ALLC: variants seen among roughly 807,000 people sequenced by gnomAD.
The protein encoded by ALLC is probable inactive allantoicase.
In ALLC, 40 loss-of-function variants were observed where a neutral mutation model predicts 45.0. The ratio of observed to expected loss-of-function variants is 0.89; its 90% confidence interval spans 0.69 to 1.16. The LOEUF (loss-of-function observed/expected upper bound fraction) is 1.16, where lower values mean the gene tolerates loss of function less well. Ranked by LOEUF, ALLC falls within the 50% of genes most tolerant of loss-of-function variation. The pLI is 0.00. For missense variants in ALLC, 488 were observed against 493.1 expected (o/e 0.99, Z 0.10); for synonymous variants, 176 against 178.1 (o/e 0.99, Z 0.09).
chr2:3,650,149 A>G, the ALLC span, among the ~76,000 whole-genome samples: 1 of 152,168 alleles, frequency 6.6e-6, no homozygotes, highest in African/African-American at 2.4e-5. Flanking sequence ...CAGTGCCCTC[A>G]ATTGGAAGGG....
In ALLC at chr2:3,702,485, C is replaced by G; in HGVS notation, c.1098C>G (p.Phe366Leu). 1.2e-6 allele frequency: 2 copies of G among 1,612,074 alleles called. No individual in the cohort carries two copies. Among genetic ancestry groups the G allele is most frequent in the Non-Finnish European group, 1.7e-6 (2 of 1,179,506 alleles). ...TGAGCCGCCTTCGGCTCCGGGGCTT[C>G]CCCAGCTCCATCTGCCTCCTGAGGC... ...GGVSRLRLRG[F>L]PSSICLLRPR... Residue 366 changes from phenylalanine to leucine, a missense_variant, in exon 12 of 12, where the codon TTC becomes TTG. By Grantham distance (22) the Phe-to-Leu change is conservative. Coordinates refer to ENST00000252505, the MANE Select transcript of ALLC (RefSeq NM_018436.4).
intron 1 of ALLC, among the ~76,000 whole-genome samples, chr2:3,658,846 C>T (rs1666502208): frequency 6.9e-6 from 1 of 143,968 alleles, no homozygotes; most frequent in African/African-American, 2.7e-5. Context: ...CACTGTACTC[C>T]AGCCTGGATG....
In ALLC at chr2:3,695,886, C is replaced by T; in HGVS notation, c.667+14C>T. On this transcript the variant is annotated intron_variant, in intron 8 of 11. Transcript: ENST00000252505. ...ACAATATAATAGGTAAGATGATATT[C>T]TTGGAGCTGGCTTATTTAGGAAGTC... is the stretch of plus-strand genomic sequence containing the variant. The T allele has an allele frequency of 6.3e-7, 1 of 1,591,306 alleles. No homozygotes were observed. Among genetic ancestry groups the T allele is most frequent in the South Asian group, 1.1e-5 (1 of 86,962 alleles).
chr2:3,696,305 G>T lies in ALLC; in HGVS notation c.698G>T (p.Gly233Val). 2 of 1,613,690 alleles carry T rather than the reference G, an allele frequency of 1.2e-6. No individual in the cohort carries two copies. The highest frequency in any genetic ancestry group is 2.7e-5 in the African/African-American group (2 of 75,032). Residue 233 changes from glycine to valine, a missense_variant, in exon 9 of 12, where the codon GGT becomes GTT. Transcript: ENST00000252505. The part of the protein sequence containing the change: ...GVGGAKSMAD[G>V]WETARRLDRP... ...GGCGGGGCAAAGTCTATGGCGGATGGTTGGGAAACTGCAAGAAGGCTGGAC... is the reference window on the plus strand; with the variant it reads ...GGCGGGGCAAAGTCTATGGCGGATGTTTGGGAAACTGCAAGAAGGCTGGAC...
chr2:3,702,649 T>A lies in ALLC; in HGVS notation c.*86T>A. 7.4e-7 allele frequency: 1 copy of A among 1,360,532 alleles called. No homozygotes were observed. Among genetic ancestry groups the A allele is most frequent in the Non-Finnish European group, 9.8e-7 (1 of 1,019,606 alleles). The allele number at this position is 1,360,532 out of a possible 1,614,324, so 84.3% of individuals were successfully genotyped here. ...CAAATGTTTTGAACACCTGGTGATTTAATAAAGTGGTCGTCTCACAAATTG... is the reference window on the plus strand; with the variant it reads ...CAAATGTTTTGAACACCTGGTGATTAAATAAAGTGGTCGTCTCACAAATTG... On this transcript the variant is annotated 3_prime_UTR_variant, in exon 12 of 12. Transcript: ENST00000252505.
intron 4 of ALLC, 44 bp from the exon 5 acceptor site, chr2:3,679,825 G>T (rs767351165): frequency 1.2e-6 from 2 of 1,610,042 alleles, no homozygotes; most frequent in Non-Finnish European, 1.7e-6. Flanking sequence ...AGCATCTGCT[G>T]TGTTGGCCCT....
Position 3,661,743 on chromosome 2 carries a change from C to T in ALLC, c.-63+3449C>T, listed in dbSNP as rs114946096. ...GTTGTTGAGAAGTTTGGATGAAAAG[C>T]TCTAGGTGTGTATTATAGTTTCATG... On this transcript the variant is annotated intron_variant, in intron 1 of 11. Coordinates refer to ENST00000252505, the MANE Select transcript of ALLC (RefSeq NM_018436.4). Among the ~76,000 whole-genome samples the T allele has an allele frequency of 1.2e-3, 184 of 152,312 alleles. 1 individual carries two copies. Among genetic ancestry groups the T allele is most frequent in the African/African-American group, 4.1e-3 (172 of 41,550 alleles).
the ALLC span, among the ~76,000 whole-genome samples, chr2:3,650,094 T>C: frequency 3.3e-5 from 5 of 152,216 alleles, no homozygotes; most frequent in Non-Finnish European, 7.3e-5. Flanking sequence ...TCCCCTCTTA[T>C]GTCTGATTCT....
In ALLC at chr2:3,682,987, A is replaced by G; in HGVS notation, c.424A>G (p.Lys142Glu). 6.2e-7 allele frequency: 1 copy of G among 1,613,984 alleles called. No individual in the cohort carries two copies. The highest frequency in any genetic ancestry group is 1.1e-5 in the South Asian group (1 of 91,082). The change falls in exon 7 of 12, where the codon AAG becomes GAG. Residue 142 changes from lysine to glutamate, a missense_variant. Transcript: ENST00000252505. ...TTACTTGGTTCCCATGACTGAGCTT[A>G]AGCCAGGAAACCCTGCTTCCGGCCA... is the stretch of plus-strand genomic sequence containing the variant. ...WSYLVPMTELKPGNPASGHNY... is the reference protein window; with the variant it reads ...WSYLVPMTELEPGNPASGHNY...
In ALLC at chr2:3,683,007, C is replaced by T. The variant is rs374055311; in HGVS notation, c.444C>T (p.Ser148=). 2.0e-5 allele frequency: 33 copies of T among 1,613,822 alleles called. No individual in the cohort carries two copies. The highest frequency in any genetic ancestry group is 3.3e-5 in the South Asian group (3 of 91,078). The change falls in exon 7 of 12, where the codon TCC becomes TCT. Residue 148 remains serine (S), a synonymous_variant. Coordinates refer to ENST00000252505, the MANE Select transcript of ALLC (RefSeq NM_018436.4). ...MTELKPGNPA[S]GHNYFLVNSQ... ...AGCTTAAGCCAGGAAACCCTGCTTC[C>T]GGCCACAACTATTTTCTTGTCAATT...
In ALLC at chr2:3,701,580, A is replaced by C; in HGVS notation, c.919A>C (p.Arg307=). Residue 307 remains arginine (R), a synonymous_variant, in exon 11 of 12, where the codon AGG becomes CGG. Transcript: ENST00000252505. ...AACTCAGGAAGAAGAAGCCGTGATC[A>C]GGCAAAAGTGGATTCTCCCGGCCCA... ...LTTQEEEAVI[R]QKWILPAHKW... The C allele has an allele frequency of 1.2e-6, 2 of 1,608,788 alleles. No individual in the cohort carries two copies. Among genetic ancestry groups the C allele is most frequent in the South Asian group, 2.2e-5 (2 of 89,498 alleles).
chr2:3,670,841 G>A (rs1321286210), intron 1 of ALLC, among the ~76,000 whole-genome samples: 1 of 122,426 alleles, frequency 8.2e-6, no homozygotes, highest in Non-Finnish European at 1.8e-5. Flanking sequence ...TGTATAGCTA[G>A]TGATATTTTA....
intron 1 of ALLC, among the ~76,000 whole-genome samples, chr2:3,660,793 A>AATGAGTCAGGGTGGGGCAGGAAAT (rs1558532835): frequency 4.6e-4 from 69 of 150,428 alleles, no homozygotes; most frequent in African/African-American, 1.6e-3. Flanking sequence ...GAGCAGGAAA[A>AATGAGTCAGGGTGGGGCAGGAAAT]CGGAATGAGT....
Position 3,701,497 on chromosome 2 carries a change from GT to G in ALLC, c.851-11del. ...AAATGCGGGCAGAAAATCACGCTGTGTTTTGCTCCAACAGGCAATGCTCCTG... is the reference window on the plus strand; with the variant it reads ...AAATGCGGGCAGAAAATCACGCTGTGTTTGCTCCAACAGGCAATGCTCCTG... On this transcript the variant is annotated splice_polypyrimidine_tract_variant and intron_variant, in intron 10 of 11. Coordinates refer to ENST00000252505, the MANE Select transcript of ALLC (RefSeq NM_018436.4). 1 of 1,577,508 alleles carries G rather than the reference GT, an allele frequency of 6.3e-7. No homozygotes were observed. The highest frequency in any genetic ancestry group is 1.2e-5 in the South Asian group (1 of 85,952).
chr2:3,691,617 A>C (rs1377665498), intron 7 of ALLC, among the ~76,000 whole-genome samples: 1 of 152,102 alleles, frequency 6.6e-6, no homozygotes. Context: ...ATTTGGATAC[A>C]ATCCATTTCT....
chr2:3,691,340 C>T (rs1018681100), intron 7 of ALLC, among the ~76,000 whole-genome samples: 1 of 151,920 alleles, frequency 6.6e-6, no homozygotes, highest in Non-Finnish European at 1.5e-5. Context: ...GCAGCTTCAA[C>T]CTCCTTTGGC....
Position 3,692,713 on chromosome 2 carries a change from A to T in ALLC, c.512-3004A>T, listed in dbSNP as rs542279191. 3.3e-5 allele frequency among the ~76,000 whole-genome samples: 5 copies of T among 152,306 alleles called. No homozygotes were observed. The East Asian group carries it at 9.6e-4, about 29-fold the overall frequency. On this transcript the variant is annotated intron_variant, in intron 7 of 11. Coordinates refer to ENST00000252505, the MANE Select transcript of ALLC (RefSeq NM_018436.4). ...GGACCTGTGGAACAAACCTCCTACA[A>T]CATGGTGTTGCTGAACAGCAACTCT...
At chr2:3,694,881 C>A (rs115274883) in intron 7 of ALLC, 3 of 152,190 alleles carry the variant, frequency 2.0e-5, no homozygotes, top group South Asian at 4.2e-4. Context: ...AATTAATATT[C>A]GAAGAAACAA....
chr2:3,657,600 C>T (rs1666472373), upstream of ALLC, among the ~76,000 whole-genome samples: 1 of 152,208 alleles, frequency 6.6e-6, no homozygotes, highest in Non-Finnish European at 1.5e-5. Context: ...TCTGTTACTG[C>T]ATGTCGAAGC....
Sources: gnomAD v4.1 joint callset for allele counts (sites outside exome capture counted in the v4.1 genomes callset) on GRCh38, gnomAD v4.1.1 for gene constraint, MANE v1.5 for transcripts, NCBI Gene and HGNC (gene_info 2026-07-23, HGNC 2026-07-21) for gene names.